ESPNL: variants seen among roughly 807,000 people sequenced by gnomAD.
ESPNL encodes the protein espin like.
A neutral mutation model predicts 46.8 loss-of-function variants in ESPNL; 49 were observed. That is an observed-to-expected ratio of 1.05 (90% CI 0.83 to 1.33). The LOEUF is 1.33. Among genes scored for constraint, ESPNL ranks in the 40% most tolerant of loss-of-function variants. The probability of loss-of-function intolerance (pLI) is 0.00; values close to 1 mark genes in which losing one functional copy is unlikely to be tolerated. For missense variants in ESPNL, 1,540 were observed against 1,436.6 expected (o/e 1.07, Z -1.16); for synonymous variants, 664 against 662.1 (o/e 1.00, Z -0.04).
Position 238,131,228 on chromosome 2 carries a change from G to T in ESPNL, c.2514G>T (p.Gln838His). The T allele has an allele frequency of 6.4e-7, 1 of 1,558,024 alleles. No homozygotes were observed. Among genetic ancestry groups the T allele is most frequent in the Non-Finnish European group, 8.7e-7 (1 of 1,154,518 alleles). Reference sequence around the variant, plus strand: ...CCCGCGGGGCTTTGTCCCCCGAGCAGTTCCTGCCCCACGTGGACGGGGCTC... The same window carrying T: ...CCCGCGGGGCTTTGTCCCCCGAGCATTTCCTGCCCCACGTGGACGGGGCTC... Reference protein sequence around the residue: ...RQPRGALSPEQFLPHVDGAPV... With the variant: ...RQPRGALSPEHFLPHVDGAPV... The change falls in exon 9 of 9, where the codon CAG (glutamine) becomes CAT (histidine). Residue 838 changes from glutamine to histidine, a missense_variant. Physicochemically the swap from Gln to His is conservative, Grantham distance 24. Coordinates refer to ENST00000343063, the MANE Select transcript of ESPNL (RefSeq NM_194312.4).
intron 5 of ESPNL, 93 bp from the exon 6 acceptor site, chr2:238,125,177 C>T (rs965626612): frequency 5.2e-6 from 3 of 573,948 alleles, no homozygotes; most frequent in Non-Finnish European, 9.1e-6. Context: ...ACAGGCTCCC[C>T]AAGGCTCGTC....
intron 2 of ESPNL, among the ~76,000 whole-genome samples, chr2:238,102,587 T>TAGAGCC (rs1691509088): frequency 6.6e-6 from 1 of 152,116 alleles, no homozygotes; most frequent in African/African-American, 2.4e-5. Context: ...GCCCCACCCC[T>TAGAGCC]GTGCTGGGAC....
intron 4 of ESPNL, among the ~76,000 whole-genome samples, chr2:238,109,002 A>G (rs1691661681): frequency 6.6e-6 from 1 of 151,390 alleles, no homozygotes; most frequent in Non-Finnish European, 1.5e-5. Flanking sequence ...CCTTCCTCTC[A>G]CCATCCCCCG....
rs537294064 is a variant in ESPNL at position 238,117,033 on chromosome 2, C to T, written c.986C>T (p.Pro329Leu). The stretch of plus-strand genomic sequence containing the variant: ...CAGTACCTGCGGGAGGTGGCCCAGC[C>T]GGTAAGGCTCAGGGTCCCCAGCTGC... Reference protein sequence around the residue: ...CAQYLREVAQPVPLLMTPPPP... With the variant: ...CAQYLREVAQLVPLLMTPPPP... The change falls in exon 5 of 9, where the codon CCG (proline) becomes CTG (leucine). Residue 329 changes from proline (P) to leucine (L), a missense_variant and splice_region_variant. By Grantham distance (98) the Pro-to-Leu change is moderately conservative. Transcript: ENST00000343063. The T allele has an allele frequency of 1.2e-4, 197 of 1,608,550 alleles. No individual in the cohort carries two copies. Among genetic ancestry groups the T allele is most frequent in the Non-Finnish European group, 1.6e-4 (183 of 1,178,104 alleles).
intron 5 of ESPNL, among the ~76,000 whole-genome samples, chr2:238,122,815 G>T (rs559584637): frequency 3.8e-4 from 58 of 152,368 alleles, no homozygotes; most frequent in African/African-American, 1.3e-3. Context: ...TGGCCTTGCT[G>T]TTGAGGGGCC....
chr2:238,100,605 C>T lies in ESPNL; in HGVS notation c.186C>T (p.Pro62=), dbSNP rs757453506. 1.7e-5 allele frequency: 26 copies of T among 1,508,316 alleles called. No individual in the cohort carries two copies. The highest frequency in any genetic ancestry group is 5.6e-5 in the African/African-American group (4 of 71,086). 93.4% of individuals were successfully genotyped at this position (1,508,316 alleles called of 1,614,324 possible). A position where few individuals can be genotyped will look rare whatever the true frequency, so the allele number is the denominator to read the frequency against. ...VKFLVQRAQL[P]GNQRAHNGAT... is the part of the protein sequence containing the mutation. Reference sequence around the variant, plus strand: ...TCTTGGTGCAGCGGGCCCAGCTGCCCGGCAACCAGCGGGCCCACAACGGGG... The same window carrying T: ...TCTTGGTGCAGCGGGCCCAGCTGCCTGGCAACCAGCGGGCCCACAACGGGG... Residue 62 remains proline (P), a synonymous_variant, in exon 1 of 9, where the codon CCC becomes CCT. Transcript: ENST00000343063.
In ESPNL at chr2:238,102,012, G is replaced by C. The variant is rs981969146; in HGVS notation, c.366G>C (p.Trp122Cys). Residue 122 changes from tryptophan (W) to cysteine (C), a missense_variant, in exon 2 of 9, where the codon TGG (tryptophan) becomes TGC (cysteine). Physicochemically the swap from Trp to Cys is radical, Grantham distance 215 (BLOSUM62 -2). Coordinates refer to ENST00000343063, the MANE Select transcript of ESPNL (RefSeq NM_194312.4). ...ARFGHPVLVE[W>C]LLHEGHSATL... is the part of the protein sequence containing the mutation. Reference sequence around the variant, plus strand: ...TTGGACACCCAGTGCTGGTGGAGTGGCTGCTCCACGAGGGCCACTCGGCCA... The same window carrying C: ...TTGGACACCCAGTGCTGGTGGAGTGCCTGCTCCACGAGGGCCACTCGGCCA... 1 of 1,608,024 alleles carries C rather than the reference G, an allele frequency of 6.2e-7. No individual in the cohort carries two copies. Among genetic ancestry groups the C allele is most frequent in the Non-Finnish European group, 8.5e-7 (1 of 1,178,404 alleles).
intron 3 of ESPNL, among the ~76,000 whole-genome samples, chr2:238,106,097 T>C (rs752990): frequency 0.74 from 112,122 of 152,194 alleles, 42,041 homozygotes; most frequent in African/African-American, 0.89. Flanking sequence ...GCACACGGCG[T>C]GTCTGACTCC....
chr2:238,121,556 C>A (rs1221334382), intron 5 of ESPNL, among the ~76,000 whole-genome samples: 1 of 152,258 alleles, frequency 6.6e-6, no homozygotes, highest in East Asian at 1.9e-4. Flanking sequence ...CGCCACCACA[C>A]CCAGCTAATT....
In ESPNL at chr2:238,100,344, C is replaced by A; in HGVS notation, c.-76C>A. The stretch of plus-strand genomic sequence containing the variant: ...GTGGCAGCTTATCGGGTAACCAGAG[C>A]CGGCAGCTTCATCCACGTCTGAAAC... On this transcript the variant is annotated 5_prime_UTR_variant, in exon 1 of 9. Coordinates refer to ENST00000343063, the MANE Select transcript of ESPNL (RefSeq NM_194312.4). 7.6e-7 allele frequency: 1 copy of A among 1,320,390 alleles called. No homozygotes were observed. The highest frequency in any genetic ancestry group is 9.8e-7 in the Non-Finnish European group (1 of 1,018,004). The allele number at this position is 1,320,390 out of a possible 1,614,324, so 81.8% of individuals were successfully genotyped here. A position where few individuals can be genotyped will look rare whatever the true frequency, so the allele number is the denominator to read the frequency against.
intron 5 of ESPNL, among the ~76,000 whole-genome samples, chr2:238,122,992 G>A (rs888998102): frequency 2.0e-5 from 3 of 152,224 alleles, no homozygotes; most frequent in Non-Finnish European, 4.4e-5. Context: ...GGTCCAAGAC[G>A]GAGGACCTTC....
At chr2:238,108,019 G>A in intron 4 of ESPNL, 46 bp downstream of exon 4, 1 of 1,551,498 alleles carries the variant, frequency 6.4e-7, no homozygotes, top group Non-Finnish European at 8.8e-7. Context: ...ACAAGTGCCA[G>A]CCATGCCCAG....
At position 238,125,058 on chromosome 2, in the gene ESPNL, GC is replaced by G. The variant is rs372012330; in HGVS notation, c.988-210del. On this transcript the variant is annotated intron_variant, in intron 5 of 8. Coordinates refer to ENST00000343063, the MANE Select transcript of ESPNL (RefSeq NM_194312.4). ...AGTGGGCGGGGAACCAAGGTGGGGT[GC>G]CAGGAAGTGATGGCACTCAGGCAGG... Among the ~76,000 whole-genome samples, 282 of 152,274 alleles carry G rather than the reference GC, an allele frequency of 1.9e-3. 5 individuals carry two copies. In the South Asian group the frequency reaches 0.028, roughly 15 times the overall value.
intron 4 of ESPNL, among the ~76,000 whole-genome samples, chr2:238,109,758 A>G (rs1257346858): frequency 1.3e-5 from 2 of 152,248 alleles, no homozygotes; most frequent in Non-Finnish European, 2.9e-5. Flanking sequence ...CACTTCATTC[A>G]GATGCCCTTA....
At position 238,131,392 on chromosome 2, in the gene ESPNL, G is replaced by T; in HGVS notation, c.2678G>T (p.Gly893Val). 1.2e-6 allele frequency: 2 copies of T among 1,605,952 alleles called. No individual in the cohort carries two copies. Among genetic ancestry groups the T allele is most frequent in the South Asian group, 1.1e-5 (1 of 90,116 alleles). The change falls in exon 9 of 9, where the codon GGC (glycine) becomes GTC (valine). Residue 893 changes from glycine to valine, a missense_variant. Physicochemically the swap from Gly to Val is moderately radical, Grantham distance 109. Coordinates refer to ENST00000343063, the MANE Select transcript of ESPNL (RefSeq NM_194312.4). ...GTCTTCGAGCACCTGGGCACCCACG[G>T]CTGGGAGGCTGTGCGCGCCTTCCAC... is the stretch of plus-strand genomic sequence containing the variant. Reference protein sequence around the residue: ...FEVFEHLGTHGWEAVRAFHKA... With the variant: ...FEVFEHLGTHVWEAVRAFHKA...
At position 238,131,866 on chromosome 2, in the gene ESPNL, C is replaced by A; in HGVS notation, c.*134C>A. 1 of 942,900 alleles carries A rather than the reference C, an allele frequency of 1.1e-6. No individual in the cohort carries two copies. The highest frequency in any genetic ancestry group is 1.6e-6 in the Non-Finnish European group (1 of 623,246). The allele number at this position is 942,900 out of a possible 1,614,324, so 58.4% of individuals were successfully genotyped here. A position where few individuals can be genotyped will look rare whatever the true frequency, so the allele number is the denominator to read the frequency against. Reference sequence around the variant, plus strand: ...CTCCAGTCCTACCAGTTATCGGAGGCTGCGGGACTGTTCTGTTGTGGCATG... The same window carrying A: ...CTCCAGTCCTACCAGTTATCGGAGGATGCGGGACTGTTCTGTTGTGGCATG... On this transcript the variant is annotated 3_prime_UTR_variant, in exon 9 of 9. Transcript: ENST00000343063.
rs1692201170 is a variant in ESPNL at position 238,128,749 on chromosome 2, G to A, written c.1258G>A (p.Ala420Thr). The change falls in exon 8 of 9, where the codon GCC (alanine) becomes ACC (threonine). Residue 420 changes from alanine to threonine, a missense_variant. By Grantham distance (58) the Ala-to-Thr change is moderately conservative. Transcript: ENST00000343063. The stretch of plus-strand genomic sequence containing the variant: ...GGCGGGGGACACCTCAGATGGCCTG[G>A]CCGCACTACAGCTGGATGGGCTGCC... The part of the protein sequence containing the change: ...ALAGDTSDGL[A>T]ALQLDGLPSG... 10 of 1,600,750 alleles carry A rather than the reference G, an allele frequency of 6.2e-6. No homozygotes were observed. The highest frequency in any genetic ancestry group is 7.7e-6 in the Non-Finnish European group (9 of 1,174,570).
chr2:238,121,963 C>T (rs963803176), intron 5 of ESPNL, among the ~76,000 whole-genome samples: 1 of 152,234 alleles, frequency 6.6e-6, no homozygotes, highest in Non-Finnish European at 1.5e-5. Context: ...ATCCGTGGGC[C>T]GTGATTCTCT....
At position 238,130,797 on chromosome 2, in the gene ESPNL, C is replaced by T. The variant is rs927691376; in HGVS notation, c.2083C>T (p.Arg695Cys). Reference sequence around the variant, plus strand: ...CTGCTGGCCAGCCCTGCCTAAGCCCCGCAGTGGCCTGGCTTCAGGGGAGCC... The same window carrying T: ...CTGCTGGCCAGCCCTGCCTAAGCCCTGCAGTGGCCTGGCTTCAGGGGAGCC... ...SGCWPALPKP[R>C]SGLASGEPRP... The change falls in exon 9 of 9, where the codon CGC becomes TGC. Residue 695 changes from arginine to cysteine, a missense_variant. Transcript: ENST00000343063. 32 of 1,543,974 alleles carry T rather than the reference C, an allele frequency of 2.1e-5. No homozygotes were observed. The highest frequency in any genetic ancestry group is 1.7e-4 in the Middle Eastern group (1 of 5,806).
Sources: allele counts gnomAD v4.1 joint callset (sites outside exome capture counted in the v4.1 genomes callset), GRCh38; gene constraint gnomAD v4.1.1; transcripts MANE v1.5; gene names NCBI Gene and HGNC (gene_info 2026-07-23, HGNC 2026-07-21).